The following CEP170B variants were observed in gnomAD, a reference collection of about 807,000 sequenced individuals.
The protein encoded by CEP170B is centrosomal protein of 170 kDa protein B.
A neutral mutation model predicts 120.6 loss-of-function variants in CEP170B; 55 were observed. The observed-to-expected ratio is 0.46, with a 90% confidence interval of 0.37 to 0.57. The LOEUF is 0.57. CEP170B is among the 20% of genes least tolerant of loss of function. CEP170B has a pLI of 0.00. For synonymous variants in CEP170B, 1,033 were observed against 954.5 expected, an observed-to-expected ratio of 1.08 and a Z score of -1.52; for missense variants, 2,212 against 2,253.3, an observed-to-expected ratio of 0.98 and a Z score of 0.37.
intron 10 of CEP170B, 42 bp from the exon 11 acceptor site, chr14:104,885,998 T>C: frequency 2.7e-6 from 4 of 1,487,122 alleles, no homozygotes; most frequent in Non-Finnish European, 3.6e-6. Context: ...CTTCTCGCCG[T>C]TGGGCTTGCG....
rs773258621 is a variant in CEP170B at position 104,887,133 on chromosome 14, G to A, written c.2894G>A (p.Arg965His). The A allele has an allele frequency of 2.9e-5, 46 of 1,610,240 alleles. No individual in the cohort carries two copies. Among genetic ancestry groups the A allele is most frequent in the Middle Eastern group, 1.6e-4 (1 of 6,084 alleles). Residue 965 changes from arginine to histidine, a missense_variant, in exon 12 of 19, where the codon CGT becomes CAT. By Grantham distance (29) the Arg-to-His change is conservative. Coordinates refer to ENST00000414716, the MANE Select transcript of CEP170B (RefSeq NM_001112726.3). Reference sequence around the variant, plus strand: ...GACACAGCCAGCACCGTCAGCCTGCGTAGTGGCAAGAGCGGGCCCAGCCCC... The same window carrying A: ...GACACAGCCAGCACCGTCAGCCTGCATAGTGGCAAGAGCGGGCCCAGCCCC... ...DVDTASTVSL[R>H]SGKSGPSPTT...
Position 104,868,675 on chromosome 14 carries a change from C to T in CEP170B, c.105+120C>T. The T allele has an allele frequency of 2.1e-6, 2 of 966,766 alleles. No homozygotes were observed. Among genetic ancestry groups the T allele is most frequent in the Non-Finnish European group, 3.0e-6 (2 of 657,560 alleles). The allele number at this position is 966,766 out of a possible 1,614,324, so 59.9% of individuals were successfully genotyped here. On this transcript the variant is annotated intron_variant, in intron 2 of 18. Coordinates refer to ENST00000414716, the MANE Select transcript of CEP170B (RefSeq NM_001112726.3). The surrounding 1 kb of genome is among the most constrained non-coding windows in gnomAD (Gnocchi z 5.9). ...CCCTGGCGAGGAGGCCGCCATGCAG[C>T]CCAGGCTGGGCCTCTTAACTTGGGT...
chr14:104,874,697 C>T (rs1342644769), intron 2 of CEP170B, among the ~76,000 whole-genome samples: 1 of 151,472 alleles, frequency 6.6e-6, no homozygotes, highest in Non-Finnish European at 1.5e-5. Flanking sequence ...TCCCCTCAGT[C>T]CTCCACTGCA....
In CEP170B at chr14:104,887,664, G is replaced by A; in HGVS notation, c.3425G>A (p.Gly1142Asp). ...GDASDTEAAD[G>D]ERGSLGNPEP... The stretch of plus-strand genomic sequence containing the variant: ...GCTTCAGACACTGAGGCTGCGGATG[G>A]TGAGCGGGGGTCCCTGGGCAACCCT... The change falls in exon 12 of 19, where the codon GGT (glycine) becomes GAT (aspartate). Residue 1142 changes from glycine to aspartate, a missense_variant. Coordinates refer to ENST00000414716, the MANE Select transcript of CEP170B (RefSeq NM_001112726.3). The A allele has an allele frequency of 1.3e-6, 2 of 1,569,650 alleles. No individual in the cohort carries two copies. Among genetic ancestry groups the A allele is most frequent in the Non-Finnish European group, 1.7e-6 (2 of 1,160,032 alleles).
At chr14:104,882,080 A>G (rs1896185803) in intron 6 of CEP170B, among the ~76,000 whole-genome samples, 1 of 152,164 alleles carries the variant, frequency 6.6e-6, no homozygotes, top group South Asian at 2.1e-4. Context: ...ACCTGAGGGC[A>G]CTGGACACTG....
intron 13 of CEP170B, among the ~76,000 whole-genome samples, chr14:104,892,024 G>A (rs1325523364): frequency 2.6e-5 from 4 of 152,154 alleles, no homozygotes; most frequent in African/African-American, 7.2e-5. Flanking sequence ...CTGGAGGTAG[G>A]GGTAGGGGGA....
intron 4 of CEP170B, 62 bp from the exon 5 acceptor site, chr14:104,878,381 C>T (rs373748193): frequency 1.5e-4 from 229 of 1,540,646 alleles, no homozygotes; most frequent in Non-Finnish European, 1.9e-4. Flanking sequence ...TGTTGCTGGG[C>T]GTGGACTTCA....
At chr14:104,889,505 A>G (rs1235363633) in intron 12 of CEP170B, 115 bp from the exon 13 acceptor site, 1 of 1,557,684 alleles carries the variant, frequency 6.4e-7, no homozygotes, top group East Asian at 2.4e-5. Context: ...AAACCAATTC[A>G]CTCACCAAGA....
intron 2 of CEP170B, among the ~76,000 whole-genome samples, chr14:104,874,508 C>T (rs1214166930): frequency 1.3e-5 from 2 of 152,096 alleles, no homozygotes; most frequent in South Asian, 2.1e-4. Flanking sequence ...TTCTGGGAAA[C>T]CACGGGCTGT....
intron 6 of CEP170B, among the ~76,000 whole-genome samples, 185 bp from the exon 7 acceptor site, chr14:104,882,543 C>T (rs1896212090): frequency 2.0e-5 from 3 of 152,046 alleles, no homozygotes. Context: ...GGCCAGTGAG[C>T]CACCTCGGAA....
At chr14:104,872,569 A>G (rs957288300) in intron 2 of CEP170B, among the ~76,000 whole-genome samples, 6 of 151,580 alleles carry the variant, frequency 4.0e-5, no homozygotes, top group Admixed American at 6.6e-5. Flanking sequence ...TGTTGTGTGC[A>G]TGTGTGTGCT....
intron 13 of CEP170B, among the ~76,000 whole-genome samples, chr14:104,892,769 G>C (rs1422747233): frequency 1.3e-5 from 2 of 152,278 alleles, no homozygotes; most frequent in Non-Finnish European, 2.9e-5. Context: ...TGGCTGTGGG[G>C]AGTTTGGCCT....
rs768650007 is a variant in CEP170B, at chr14:104,883,497, G to C, written c.1040G>C (p.Arg347Pro). 2 of 1,544,018 alleles carry C rather than the reference G, an allele frequency of 1.3e-6. No individual in the cohort carries two copies. The highest frequency in any genetic ancestry group is 1.8e-6 in the Non-Finnish European group (2 of 1,142,796). The change falls in exon 8 of 19, where the codon CGC becomes CCC. Residue 347 changes from arginine (R) to proline (P), a missense_variant. By Grantham distance (103) the Arg-to-Pro change is moderately radical. Coordinates refer to ENST00000414716, the MANE Select transcript of CEP170B (RefSeq NM_001112726.3). ...AAGAGCGACCTGCCTGTCCACACCC[G>C]CACCCTGAAGGGTGAGTGCCCAGCT... ...STKSDLPVHT[R>P]TLKGHKHEDG...
At chr14:104,873,077 G>A (rs1337808117) in intron 2 of CEP170B, among the ~76,000 whole-genome samples, 2 of 152,134 alleles carry the variant, frequency 1.3e-5, no homozygotes, top group Non-Finnish European at 2.9e-5. Flanking sequence ...GCTGCTTCTG[G>A]TTGGAGAGGG....
Position 104,884,064 on chromosome 14 carries a change from G to A in CEP170B, c.1285G>A (p.Asp429Asn). 6.2e-7 allele frequency: 1 copy of A among 1,607,554 alleles called. No homozygotes were observed. Among genetic ancestry groups the A allele is most frequent in the Non-Finnish European group, 8.5e-7 (1 of 1,177,236 alleles). Residue 429 changes from aspartate to asparagine, a missense_variant, in exon 9 of 19, where the codon GAC becomes AAC. This residue lies in a region of CEP170B where 2,166 missense variants were observed against 2,166.7 expected (regional missense o/e 1.00). Coordinates refer to ENST00000414716, the MANE Select transcript of CEP170B (RefSeq NM_001112726.3). ...GTCCTTCACGCACAGCCCGTCCGGG[G>A]ACCCCAAGGCCGACAAGCGCCGTGG... ...SQSFTHSPSG[D>N]PKADKRRGPT...
chr14:104,880,292 A>G lies in CEP170B; in HGVS notation c.339A>G (p.Glu113=). The G allele has an allele frequency of 6.3e-7, 1 of 1,599,482 alleles. No individual in the cohort carries two copies. Among genetic ancestry groups the G allele is most frequent in the African/African-American group, 1.3e-5 (1 of 74,780 alleles). The change falls in exon 6 of 19, where the codon GAA becomes GAG. Residue 113 remains glutamate, a synonymous_variant. Transcript: ENST00000414716. ...CCCGCCTGGCCTGCCCACAGCATGAAAAGTACACCAGCCAGCTGCAGGTGA... is the reference window on the plus strand; with the variant it reads ...CCCGCCTGGCCTGCCCACAGCATGAGAAGTACACCAGCCAGCTGCAGGTGA... ...HRVPEEALKH[E]KYTSQLQVSV...
chr14:104,876,328 C>T lies in CEP170B; in HGVS notation c.178C>T (p.Leu60=). 1 of 1,550,868 alleles carries T rather than the reference C, an allele frequency of 6.4e-7. No individual in the cohort carries two copies. The highest frequency in any genetic ancestry group is 8.7e-7 in the Non-Finnish European group (1 of 1,146,816). ...CAGGGACGAGCACTGGGTGAAGGAC[C>T]TGGGCAGCCTCAATGGGGTAAGTGT... The part of the protein sequence containing the change: ...QDRDEHWVKD[L]GSLNGTFVND... The change falls in exon 3 of 19, where the codon CTG becomes TTG. Residue 60 remains leucine (L), a synonymous_variant. Coordinates refer to ENST00000414716, the MANE Select transcript of CEP170B (RefSeq NM_001112726.3).
At chr14:104,871,228 C>T (rs1322552246) in intron 2 of CEP170B, among the ~76,000 whole-genome samples, 1 of 152,228 alleles carries the variant, frequency 6.6e-6, no homozygotes, top group Non-Finnish European at 1.5e-5. Context: ...GGAGCCTGCT[C>T]TGTCCTCGGC....
rs371352922 is a variant in CEP170B at position 104,879,745 on chromosome 14, C to T, written c.334-542C>T. 3.3e-5 allele frequency among the ~76,000 whole-genome samples: 5 copies of T among 152,298 alleles called. No homozygotes were observed. In the East Asian group the frequency reaches 5.8e-4, roughly 18 times the overall value. ...CCCTTTCCCCGGTGTGCTGGCGACA[C>T]GCACAGCCGGGGCCCCTGTGGGGGG... On this transcript the variant is annotated intron_variant, in intron 5 of 18. Transcript: ENST00000414716.
Sources: allele counts gnomAD v4.1 joint callset (sites outside exome capture counted in the v4.1 genomes callset), GRCh38; gene constraint gnomAD v4.1.1; regional missense constraint gnomAD v4.1.1; non-coding constraint Gnocchi (gnomAD v3.1); transcripts MANE v1.5; gene names NCBI Gene and HGNC (gene_info 2026-07-23, HGNC 2026-07-21).